Variants in FAIM observed in about 807,000 individuals in gnomAD.
FAIM encodes fas apoptotic inhibitory molecule 1.
Under a neutral mutation model 21.2 loss-of-function variants are expected in FAIM, and 14 were observed. That is an observed-to-expected ratio of 0.66 (90% confidence interval 0.44 to 1.03). FAIM has a LOEUF of 1.03. FAIM is among the 50% of genes least tolerant of loss of function. The pLI is 0.00. For synonymous variants in FAIM, 86 were observed against 80.4 expected (o/e 1.07, Z -0.37); for missense variants, 222 against 247.1 (o/e 0.90, Z 0.68).
At chr3:138,609,610 CT>C in intron 1 of FAIM, among the ~76,000 whole-genome samples, 2 of 103,478 alleles carry the variant, frequency 1.9e-5, no homozygotes, top group Non-Finnish European at 3.7e-5. Flanking sequence ...CTCTCTCTCT[CT>C]CGACTCTCTC....
chr3:138,632,884 A>G, intron 5 of FAIM, 46 bp from the exon 6 acceptor site: 1 of 1,593,604 alleles, frequency 6.3e-7, no homozygotes, highest in Non-Finnish European at 8.5e-7. Context: ...CTAGACAGAG[A>G]TAAAAGTTTC....
At chr3:138,617,679 C>T (rs1281178477) in intron 1 of FAIM, among the ~76,000 whole-genome samples, 1 of 136,428 alleles carries the variant, frequency 7.3e-6, no homozygotes, top group Non-Finnish European at 1.5e-5. Flanking sequence ...TGTTTTGAGA[C>T]AGGGTCTCAC....
At chr3:138,629,788 T>C (rs1439752892) in intron 5 of FAIM, 1 of 152,196 alleles carries the variant, frequency 6.6e-6, no homozygotes, top group East Asian at 1.9e-4. Context: ...GCAGTGCCAA[T>C]GCGAGGAGAA....
Position 138,622,460 on chromosome 3 carries a change from A to G in FAIM, c.406+44A>G, listed in dbSNP as rs754212122. 7 of 1,205,038 alleles carry G rather than the reference A, an allele frequency of 5.8e-6. No individual in the cohort carries two copies. In the South Asian group the frequency reaches 1.0e-4, roughly 17 times the overall value. The allele number at this position is 1,205,038 out of a possible 1,614,324, so 74.6% of individuals were successfully genotyped here. A position where few individuals can be genotyped will look rare whatever the true frequency, so the allele number is the denominator to read the frequency against. ...CGCAGAACTTTTTTTTTTTTTTTAT[A>G]ATGTCTGTTTAATTCCTGTAACTGT... is the stretch of plus-strand genomic sequence containing the variant. On this transcript the variant is annotated intron_variant, in intron 4 of 5. Transcript: ENST00000360570.
chr3:138,633,167 AGT>A lies in FAIM; in HGVS notation c.*89_*90del. The A allele has an allele frequency of 5.3e-6, 6 of 1,123,940 alleles. No individual in the cohort carries two copies. Among genetic ancestry groups the A allele is most frequent in the South Asian group, 2.5e-5 (1 of 39,582 alleles). 69.6% of individuals were successfully genotyped at this position (1,123,940 alleles called of 1,614,324 possible). On this transcript the variant is annotated 3_prime_UTR_variant, in exon 6 of 6. Coordinates refer to ENST00000360570, the MANE Select transcript of FAIM (RefSeq NM_001033031.2). ...TCAGTATGTACTTATCAGTACATTT[AGT>A]CTGCAATGTTTTAATTTTTTAAAAA...
chr3:138,609,257 G>C (rs930509173), intron 1 of FAIM: 2 of 151,792 alleles, frequency 1.3e-5, no homozygotes, highest in African/African-American at 2.4e-5. Flanking sequence ...CGCGGGGCGC[G>C]GGGCCAGCCC....
intron 5 of FAIM, 134 bp from the exon 6 acceptor site, chr3:138,632,796 C>A: frequency 2.4e-6 from 2 of 834,292 alleles, no homozygotes; most frequent in Non-Finnish European, 1.7e-6. Flanking sequence ...AAGCTTTAGA[C>A]TTTGTTTTTC....
At chr3:138,618,374 T>C (rs1560495092) in intron 1 of FAIM, among the ~76,000 whole-genome samples, 2 of 152,156 alleles carry the variant, frequency 1.3e-5, no homozygotes, top group Non-Finnish European at 2.9e-5. Flanking sequence ...TCTTCTTTAA[T>C]ATCTTTTTGG....
At chr3:138,612,445 A>G (rs1478068897) in intron 1 of FAIM, among the ~76,000 whole-genome samples, 2 of 152,114 alleles carry the variant, frequency 1.3e-5, no homozygotes, top group South Asian at 2.1e-4. Flanking sequence ...TAGTTCATCC[A>G]TGTTATAGCA....
intron 5 of FAIM, among the ~76,000 whole-genome samples, chr3:138,632,378 T>C (rs181438277): frequency 6.6e-6 from 1 of 152,218 alleles, no homozygotes; most frequent in East Asian, 1.9e-4. Context: ...TTCAGACTAG[T>C]CAATTTGAAG....
intron 3 of FAIM, among the ~76,000 whole-genome samples, 193 bp downstream of exon 3, chr3:138,621,732 A>C (rs1365120224): frequency 6.6e-6 from 1 of 152,196 alleles, no homozygotes; most frequent in African/African-American, 2.4e-5. Flanking sequence ...TAAACTTAAA[A>C]TGCTTTTATT....
chr3:138,609,086 T>C (rs2042721733), intron 1 of FAIM, 149 bp downstream of exon 1: 2 of 153,040 alleles, frequency 1.3e-5, no homozygotes, highest in African/African-American at 4.8e-5. Context: ...CGGCCATCTC[T>C]GGGCGGCGGC....
intron 4 of FAIM, among the ~76,000 whole-genome samples, chr3:138,628,898 T>C (rs1468923216): frequency 6.6e-6 from 1 of 152,200 alleles, no homozygotes; most frequent in Non-Finnish European, 1.5e-5. Context: ...TTCATTATAG[T>C]TTTATGAACA....
Position 138,622,425 on chromosome 3 carries a change from G to A in FAIM, c.406+9G>A, listed in dbSNP as rs773000157. On this transcript the variant is annotated intron_variant, in intron 4 of 5. Coordinates refer to ENST00000360570, the MANE Select transcript of FAIM (RefSeq NM_001033031.2). ...CTTTAGAATTGTTTTGGGTAAGTTA[G>A]TGCTGTTTCCGCAGAACTTTTTTTT... The A allele has an allele frequency of 6.5e-7, 1 of 1,527,352 alleles. No individual in the cohort carries two copies. The highest frequency in any genetic ancestry group is 8.8e-7 in the Non-Finnish European group (1 of 1,130,266). 94.6% of individuals were successfully genotyped at this position (1,527,352 alleles called of 1,614,324 possible). A position where few individuals can be genotyped will look rare whatever the true frequency, so the allele number is the denominator to read the frequency against.
At chr3:138,615,006 C>T (rs926750340) in intron 1 of FAIM, among the ~76,000 whole-genome samples, 1 of 152,180 alleles carries the variant, frequency 6.6e-6, no homozygotes, top group Admixed American at 6.5e-5. Flanking sequence ...CCAATAAACC[C>T]ATTGCAAGTT....
chr3:138,629,125 T>C lies in FAIM; in HGVS notation c.425T>C (p.Val142Ala). The C allele has an allele frequency of 3.7e-6, 6 of 1,611,346 alleles. No individual in the cohort carries two copies. Among genetic ancestry groups the C allele is most frequent in the Non-Finnish European group, 5.1e-6 (6 of 1,178,976 alleles). The change falls in exon 5 of 6, where the codon GTA becomes GCA. Residue 142 changes from valine (V) to alanine (A), a missense_variant. Coordinates refer to ENST00000360570, the MANE Select transcript of FAIM (RefSeq NM_001033031.2). ...RIVLEKDAMD[V>A]WCNGKKLETA... The stretch of plus-strand genomic sequence containing the variant: ...TTTACAGAAAAAGATGCTATGGACG[T>C]ATGGTGCAATGGTAAAAAATTGGAG...
chr3:138,619,835 G>A, intron 2 of FAIM, 65 bp downstream of exon 2: 1 of 1,419,864 alleles, frequency 7.0e-7, no homozygotes, highest in Non-Finnish European at 9.9e-7. Flanking sequence ...ATTCAAAAGA[G>A]TGATTTATCC....
chr3:138,615,960 T>C (rs1577007773), intron 1 of FAIM, among the ~76,000 whole-genome samples: 1 of 152,100 alleles, frequency 6.6e-6, no homozygotes, highest in South Asian at 2.1e-4. Flanking sequence ...TTAGATGGGA[T>C]TTGTTGATGG....
chr3:138,611,022 ACT>A lies in FAIM; in HGVS notation c.-17+2088_-17+2089del, dbSNP rs747985979. On this transcript the variant is annotated intron_variant, in intron 1 of 5. Coordinates refer to ENST00000360570, the MANE Select transcript of FAIM (RefSeq NM_001033031.2). ...TATAATCATCTCTTGGTATCTCCGG[ACT>A]CTGCCACTCTGAGGTTAGTGCCCTG... 6 of 1,613,024 alleles carry A rather than the reference ACT, an allele frequency of 3.7e-6. No individual in the cohort carries two copies. In the Admixed American group the frequency reaches 1.0e-4, roughly 27 times the overall value.
Sources: gnomAD v4.1 joint callset for allele counts (sites outside exome capture counted in the v4.1 genomes callset) on GRCh38, gnomAD v4.1.1 for gene constraint, MANE v1.5 for transcripts, NCBI Gene and HGNC (gene_info 2026-07-23, HGNC 2026-07-21) for gene names.